LRRIQ3: variants seen among roughly 807,000 people sequenced by gnomAD.
The protein encoded by LRRIQ3 is leucine-rich repeat and IQ domain-containing protein 3.
LRRIQ3 carries 75 observed loss-of-function variants against 59.3 expected under a neutral mutation model. The observed-to-expected ratio is 1.26, with a 90% confidence interval of 1.05 to 1.53. The LOEUF (loss-of-function observed/expected upper bound fraction) is 1.53. Among genes scored for constraint, LRRIQ3 ranks in the 40% most tolerant of loss-of-function variants. LRRIQ3 has a pLI of 0.00. For missense variants in LRRIQ3, 831 were observed against 710.0 expected, an observed-to-expected ratio of 1.17 and a Z score of -1.94; for synonymous variants, 250 against 231.3, an observed-to-expected ratio of 1.08 and a Z score of -0.73.
intron 5 of LRRIQ3, among the ~76,000 whole-genome samples, chr1:74,081,401 T>C (rs1461161641): frequency 6.6e-6 from 1 of 151,656 alleles, no homozygotes; most frequent in African/African-American, 2.4e-5. Context: ...TTTACTAAGA[T>C]TGGAGGCACC....
At chr1:74,038,439 C>G (rs1194473193) in intron 7 of LRRIQ3, among the ~76,000 whole-genome samples, 1 of 152,186 alleles carries the variant, frequency 6.6e-6, no homozygotes, top group Non-Finnish European at 1.5e-5. Context: ...CCCAGCAAAA[C>G]ACACCTTTCA....
chr1:74,030,334 G>A (rs1653663081), intron 7 of LRRIQ3, among the ~76,000 whole-genome samples: 1 of 152,096 alleles, frequency 6.6e-6, no homozygotes, highest in African/African-American at 2.4e-5. Flanking sequence ...CAAAGCTGGA[G>A]GCATCATGCT....
At chr1:74,155,309 C>A (rs1048778485) in intron 4 of LRRIQ3, among the ~76,000 whole-genome samples, 1 of 152,230 alleles carries the variant, frequency 6.6e-6, no homozygotes, top group South Asian at 2.1e-4. Context: ...ATTTGCAAAG[C>A]TTAGCTACTG....
chr1:74,027,839 A>G (rs963140227), intron 7 of LRRIQ3, among the ~76,000 whole-genome samples: 2 of 152,102 alleles, frequency 1.3e-5, no homozygotes, highest in Non-Finnish European at 2.9e-5. Context: ...AGAGAAATAA[A>G]TGTATATAAA....
Position 74,189,371 on chromosome 1 carries a change from G to C in LRRIQ3, c.1-5687C>G, listed in dbSNP as rs566719086. Among the ~76,000 whole-genome samples the C allele has an allele frequency of 9.1e-4, 138 of 152,190 alleles. 1 individual carries two copies. In the South Asian group the frequency reaches 0.028, roughly 31 times the overall value. On this transcript the variant is annotated intron_variant, in intron 1 of 7. Coordinates refer to ENST00000354431, the MANE Select transcript of LRRIQ3 (RefSeq NM_001105659.2). ...ATTTTTCAAGCACCCTATAAACTAAGTACAGAAAAAGGAAATGAAATGTAA... is the reference window on the plus strand; with the variant it reads ...ATTTTTCAAGCACCCTATAAACTAACTACAGAAAAAGGAAATGAAATGTAA...
In LRRIQ3 at chr1:74,109,459, G is replaced by A; in HGVS notation, c.802C>T (p.Leu268Phe). The change falls in exon 5 of 8, where the codon CTC (leucine) becomes TTC (phenylalanine). Residue 268 changes from leucine (L) to phenylalanine (F), a missense_variant. Transcript: ENST00000354431. Reference sequence around the variant, plus strand: ...GGTTTGAAAAAGAGATCCTTAAGGAGCTTATCTTCATACCCTTTGGTTATG... The same window carrying A: ...GGTTTGAAAAAGAGATCCTTAAGGAACTTATCTTCATACCCTTTGGTTATG... ...IYITKGYEDK[L>F]LKDLFFKPET... The A allele has an allele frequency of 1.3e-6, 2 of 1,575,712 alleles. No individual in the cohort carries two copies. The highest frequency in any genetic ancestry group is 1.7e-6 in the Non-Finnish European group (2 of 1,162,474).
At chr1:74,143,842 C>G (rs1177501475) in intron 4 of LRRIQ3, among the ~76,000 whole-genome samples, 1 of 151,344 alleles carries the variant, frequency 6.6e-6, no homozygotes, top group East Asian at 1.9e-4. Flanking sequence ...GCATATAATG[C>G]TTTCACATTA....
At chr1:74,105,775 A>G (rs1275072094) in intron 5 of LRRIQ3, among the ~76,000 whole-genome samples, 1 of 152,042 alleles carries the variant, frequency 6.6e-6, no homozygotes, top group African/African-American at 2.4e-5. Context: ...TAGCATGTAT[A>G]TAGTTCCATG....
intron 3 of LRRIQ3, chr1:74,181,685 C>T (rs1280245100): frequency 2.0e-5 from 3 of 151,594 alleles, no homozygotes; most frequent in African/African-American, 7.3e-5. Context: ...TTACCAAAAT[C>T]CTAAATTTTT....
intron 3 of LRRIQ3, among the ~76,000 whole-genome samples, chr1:74,161,353 C>T (rs574525180): frequency 6.7e-4 from 102 of 151,952 alleles, no homozygotes; most frequent in African/African-American, 1.6e-3. Flanking sequence ...TCATCGTATC[C>T]GACAAAAAGT....
chr1:74,046,633 A>G (rs1412561130), intron 6 of LRRIQ3, among the ~76,000 whole-genome samples: 1 of 152,218 alleles, frequency 6.6e-6, no homozygotes, highest in African/African-American at 2.4e-5. Context: ...CTGCACAGCA[A>G]AAGAAACTAT....
At chr1:74,160,488 T>C (rs1648596793) in intron 3 of LRRIQ3, among the ~76,000 whole-genome samples, 1 of 152,158 alleles carries the variant, frequency 6.6e-6, no homozygotes, top group African/African-American at 2.4e-5. Context: ...GTACTCAGAT[T>C]CATGGTGTTT....
chr1:74,119,619 G>A (rs1646824569), intron 4 of LRRIQ3, among the ~76,000 whole-genome samples: 1 of 152,072 alleles, frequency 6.6e-6, no homozygotes, highest in Non-Finnish European at 1.5e-5. Context: ...TGGGTGTACA[G>A]TAAGAAAACA....
intron 5 of LRRIQ3, among the ~76,000 whole-genome samples, chr1:74,091,440 C>A (rs74681580): frequency 0.033 from 5,034 of 152,114 alleles, 299 homozygotes; most frequent in African/African-American, 0.12. Flanking sequence ...TAGAGTTACT[C>A]TGCTTATTAT....
intron 6 of LRRIQ3, among the ~76,000 whole-genome samples, chr1:74,073,559 C>T (rs761055022): frequency 1.3e-5 from 2 of 151,456 alleles, no homozygotes; most frequent in Non-Finnish European, 2.9e-5. Flanking sequence ...AAAGACCACA[C>T]ACACAAAGGC....
At chr1:74,185,779 T>C (rs760986362) in intron 1 of LRRIQ3, among the ~76,000 whole-genome samples, 8 of 151,844 alleles carry the variant, frequency 5.3e-5, no homozygotes, top group Non-Finnish European at 1.0e-4. Flanking sequence ...CCGTCTCTAC[T>C]AAAAATACAA....
chr1:74,182,570 G>T lies in LRRIQ3; in HGVS notation c.541C>A (p.Leu181Ile). ...PERFKACNHRLFFNFCPALRK... is the reference protein window; with the variant it reads ...PERFKACNHRIFFNFCPALRK... ...AAAGCTGGGCAGAAATTAAAGAAAA[G>T]TCGATGGTTACATGCTTTGAATCTT... The change falls in exon 3 of 8, where the codon CTT becomes ATT. Residue 181 changes from leucine (L) to isoleucine (I), a missense_variant. Physicochemically the swap from Leu to Ile is conservative, Grantham distance 5. Coordinates refer to ENST00000354431, the MANE Select transcript of LRRIQ3 (RefSeq NM_001105659.2). The T allele has an allele frequency of 1.3e-6, 2 of 1,574,580 alleles. No homozygotes were observed. Among genetic ancestry groups the T allele is most frequent in the Non-Finnish European group, 1.7e-6 (2 of 1,161,034 alleles).
chr1:74,045,089 G>A (rs891543648), intron 6 of LRRIQ3, among the ~76,000 whole-genome samples: 10 of 152,198 alleles, frequency 6.6e-5, no homozygotes, highest in South Asian at 4.1e-4. Flanking sequence ...GAAAAAGAGC[G>A]AATCCTCCTT....
chr1:74,054,574 A>T (rs1654465436), intron 6 of LRRIQ3, among the ~76,000 whole-genome samples: 1 of 152,002 alleles, frequency 6.6e-6, no homozygotes, highest in Non-Finnish European at 1.5e-5. Flanking sequence ...CTATTGTAAC[A>T]ATTGTACCAC....
Sources: gnomAD v4.1 joint callset for allele counts (sites outside exome capture counted in the v4.1 genomes callset) on GRCh38, gnomAD v4.1.1 for gene constraint, MANE v1.5 for transcripts, NCBI Gene and HGNC (gene_info 2026-07-23, HGNC 2026-07-21) for gene names.